ABTB3: variants seen among roughly 807,000 people sequenced by gnomAD.
ABTB3 encodes ankyrin repeat and BTB domain containing 3.
At chr12:107,437,636 G>A in the ABTB3 span, among the ~76,000 whole-genome samples, 2 of 151,956 alleles carry the variant, frequency 1.3e-5, no homozygotes, top group East Asian at 1.9e-4. Flanking sequence ...TCTTGACCTC[G>A]GGTGCTCCAC....
At chr12:107,507,421 C>A in the ABTB3 span, among the ~76,000 whole-genome samples, 1 of 152,120 alleles carries the variant, frequency 6.6e-6, no homozygotes, top group African/African-American at 2.4e-5. Context: ...GCAGCCCGAG[C>A]AGAAAGTGCC....
At chr12:107,318,695 C>A in the ABTB3 span, 1 of 482,648 alleles carries the variant, frequency 2.1e-6, no homozygotes. Flanking sequence ...CCCGGCCTGG[C>A]TCGCTCCCCA....
At chr12:107,414,478 T>G in the ABTB3 span, among the ~76,000 whole-genome samples, 47 of 152,322 alleles carry the variant, frequency 3.1e-4, no homozygotes, top group Non-Finnish European at 1.0e-4. Flanking sequence ...ACCCTCATGA[T>G]AAGCACAATC....
chr12:107,493,077 G>C, the ABTB3 span, among the ~76,000 whole-genome samples: 2 of 130,928 alleles, frequency 1.5e-5, no homozygotes, highest in Non-Finnish European at 1.6e-5. Flanking sequence ...AAGCCACAGA[G>C]AAAAGAAAAA....
the ABTB3 span, among the ~76,000 whole-genome samples, chr12:107,489,464 G>C: frequency 6.6e-6 from 1 of 152,132 alleles, no homozygotes; most frequent in Non-Finnish European, 1.5e-5. Context: ...AGGTTGCAGT[G>C]AGCCAAGTTT....
At chr12:107,398,287 A>G in the ABTB3 span, among the ~76,000 whole-genome samples, 1 of 152,206 alleles carries the variant, frequency 6.6e-6, no homozygotes, top group Non-Finnish European at 1.5e-5. Flanking sequence ...CCTGGTGTTT[A>G]TGCATGCCTA....
chr12:107,593,868 C>T, the ABTB3 span, among the ~76,000 whole-genome samples: 1 of 152,164 alleles, frequency 6.6e-6, no homozygotes, highest in Non-Finnish European at 1.5e-5. Context: ...AATAGAAGGG[C>T]AGGGCATGCC....
At chr12:107,395,688 G>C in the ABTB3 span, among the ~76,000 whole-genome samples, 1 of 152,174 alleles carries the variant, frequency 6.6e-6, no homozygotes, top group South Asian at 2.1e-4. Context: ...CTCCCCAGGT[G>C]CTGTAAGAGT....
chr12:107,441,958 A>G, the ABTB3 span, among the ~76,000 whole-genome samples: 1 of 151,936 alleles, frequency 6.6e-6, no homozygotes, highest in East Asian at 1.9e-4. Context: ...GAAAAAGGAA[A>G]AAGGAAAAAA....
At chr12:107,560,421 T>C in the ABTB3 span, among the ~76,000 whole-genome samples, 1 of 152,064 alleles carries the variant, frequency 6.6e-6, no homozygotes, top group South Asian at 2.1e-4. Context: ...ATCCCAGCTG[T>C]TGCTTTTTTT....
the ABTB3 span, among the ~76,000 whole-genome samples, chr12:107,478,863 C>T: frequency 6.6e-6 from 1 of 152,194 alleles, no homozygotes; most frequent in African/African-American, 2.4e-5. Flanking sequence ...CCTCAGTCCC[C>T]ATTAGCTTCT....
chr12:107,530,912 C>T, the ABTB3 span, among the ~76,000 whole-genome samples: 2 of 152,150 alleles, frequency 1.3e-5, no homozygotes, highest in African/African-American at 4.8e-5. Flanking sequence ...ACCTTTGCTA[C>T]ATAATGCTAA....
chr12:107,635,576 G>A, the ABTB3 span, among the ~76,000 whole-genome samples: 2 of 152,172 alleles, frequency 1.3e-5, no homozygotes, highest in Non-Finnish European at 2.9e-5. Context: ...ACATACCTTG[G>A]GAATGTGGAC....
chr12:107,623,517 C>T, the ABTB3 span, among the ~76,000 whole-genome samples: 1 of 152,172 alleles, frequency 6.6e-6, no homozygotes, highest in African/African-American at 2.4e-5. Context: ...CAGGCACCCA[C>T]CGCCATGCCT....
At chr12:107,421,562 A>G in the ABTB3 span, among the ~76,000 whole-genome samples, 1 of 152,258 alleles carries the variant, frequency 6.6e-6, no homozygotes, top group African/African-American at 2.4e-5. Context: ...AATGCTTCAG[A>G]GAAAAGGAAA....
At chr12:107,372,807 C>T in the ABTB3 span, among the ~76,000 whole-genome samples, 2 of 152,140 alleles carry the variant, frequency 1.3e-5, no homozygotes, top group African/African-American at 4.8e-5. Flanking sequence ...AACCAGTGGA[C>T]CTGGAGATAT....
the ABTB3 span, among the ~76,000 whole-genome samples, chr12:107,615,485 C>G: frequency 6.6e-5 from 10 of 152,198 alleles, no homozygotes; most frequent in African/African-American, 1.9e-4. Context: ...GCAACATGAA[C>G]ATGAGATTTG....
the ABTB3 span, among the ~76,000 whole-genome samples, chr12:107,558,797 CT>C: frequency 6.6e-6 from 1 of 152,222 alleles, no homozygotes; most frequent in Non-Finnish European, 1.5e-5. Flanking sequence ...CTCTCAGCTA[CT>C]GTTATTTTGC....
chr12:107,481,472 G>T, the ABTB3 span, among the ~76,000 whole-genome samples: 4 of 152,068 alleles, frequency 2.6e-5, 1 homozygote, highest in Non-Finnish European at 5.9e-5. Context: ...ACTGGTTGTG[G>T]TCCTCTGTGC....
Sources: gnomAD v4.1 joint callset for allele counts (sites outside exome capture counted in the v4.1 genomes callset) on GRCh38, gnomAD v4.1.1 for gene constraint, MANE v1.5 for transcripts, NCBI Gene and HGNC (gene_info 2026-07-23, HGNC 2026-07-21) for gene names.